Variants in ANKFN1 observed in about 807,000 individuals in gnomAD.
ANKFN1 encodes the protein ankyrin repeat and fibronectin type-III domain-containing protein 1.
ANKFN1 carries 74 observed loss-of-function variants against 108.7 expected under a neutral mutation model. The ratio of observed to expected loss-of-function variants is 0.68; its 90% CI spans 0.56 to 0.83. ANKFN1 has a LOEUF of 0.83. Among genes scored for constraint, ANKFN1 ranks in the 40% least tolerant of loss-of-function variants. The pLI, the probability that ANKFN1 is intolerant of heterozygous loss-of-function variation, is 0.00. For missense variants in ANKFN1, 1,505 were observed against 1,382.3 expected (o/e 1.09, Z -1.41); for synonymous variants, 547 against 516.2 (o/e 1.06, Z -0.81).
Position 56,516,306 on chromosome 17 carries a change from T to A in ANKFN1, c.*5037T>A, listed in dbSNP as rs974502975. On this transcript the variant is annotated 3_prime_UTR_variant, in exon 21 of 21. Transcript: ENST00000682825. ...TGCGTGTGTGGTGGTGTCAGAGAGA[T>A]GTTTCATAGAAAAAGTAATTTAAGT... Among the ~76,000 whole-genome samples, 1 of 151,950 alleles carries A rather than the reference T, an allele frequency of 6.6e-6. No homozygotes were observed. The highest frequency in any genetic ancestry group is 2.4e-5 in the African/African-American group (1 of 41,346).
chr17:56,431,122 A>T (rs1042357392), intron 8 of ANKFN1, among the ~76,000 whole-genome samples: 2 of 152,224 alleles, frequency 1.3e-5, no homozygotes, highest in Admixed American at 1.3e-4. Context: ...AAACTAGCAG[A>T]TGGAGAAGGC....
intron 12 of ANKFN1, 88 bp downstream of exon 12, chr17:56,457,048 T>G: frequency 7.6e-7 from 1 of 1,323,918 alleles, no homozygotes; most frequent in Non-Finnish European, 1.0e-6. Flanking sequence ...TAGAAATTTT[T>G]TTGTGTTCAA....
intron 1 of ANKFN1, among the ~76,000 whole-genome samples, chr17:56,202,246 G>A (rs528828589): frequency 1.3e-5 from 2 of 152,292 alleles, no homozygotes; most frequent in South Asian, 4.1e-4. Context: ...TCACATCCAA[G>A]AGTTACTGAA....
At chr17:56,346,781 C>A (rs1214007082) in intron 4 of ANKFN1, among the ~76,000 whole-genome samples, 1 of 151,068 alleles carries the variant, frequency 6.6e-6, no homozygotes, top group East Asian at 2.0e-4. Flanking sequence ...TTAGGTGTAC[C>A]ATTTGTAAAT....
intron 4 of ANKFN1, among the ~76,000 whole-genome samples, chr17:56,056,712 A>T (rs1484705947): frequency 1.3e-5 from 2 of 152,262 alleles, no homozygotes; most frequent in Non-Finnish European, 2.9e-5. Context: ...ACCTGAAACT[A>T]TAAAAATCCT....
chr17:56,055,973 T>C (rs181092143), intron 4 of ANKFN1, among the ~76,000 whole-genome samples: 2 of 152,182 alleles, frequency 1.3e-5, no homozygotes, highest in East Asian at 1.9e-4. Flanking sequence ...CTGACAATTA[T>C]TGATGTTGAG....
intron 3 of ANKFN1, among the ~76,000 whole-genome samples, chr17:56,283,355 C>G (rs768728008): frequency 6.6e-6 from 1 of 152,016 alleles, no homozygotes; most frequent in Non-Finnish European, 1.5e-5. Context: ...AGTAGAACTA[C>G]CATTTGATCC....
At chr17:56,219,253 AT>A (rs35800121) in intron 2 of ANKFN1, among the ~76,000 whole-genome samples, 58,544 of 148,768 alleles carry the variant, frequency 0.39, 13,917 homozygotes, top group African/African-American at 0.67. Flanking sequence ...TTGTTTGTTT[AT>A]TTTTTTTTTT....
intron 8 of ANKFN1, among the ~76,000 whole-genome samples, chr17:56,405,068 G>C (rs963589544): frequency 1.4e-4 from 21 of 152,194 alleles, no homozygotes; most frequent in African/African-American, 5.1e-4. Context: ...AGGTGGTGGT[G>C]GGGGGTAGTG....
intron 8 of ANKFN1, among the ~76,000 whole-genome samples, chr17:56,391,034 A>C (rs1003881635): frequency 4.0e-5 from 6 of 151,348 alleles, no homozygotes; most frequent in Non-Finnish European, 7.4e-5. Flanking sequence ...TATATATAAT[A>C]AAATATTTCC....
At chr17:56,074,890 A>T (rs1349079266) in intron 4 of ANKFN1, among the ~76,000 whole-genome samples, 1 of 152,224 alleles carries the variant, frequency 6.6e-6, no homozygotes, top group Non-Finnish European at 1.5e-5. Flanking sequence ...AGAGCCAGCC[A>T]CAAAGGCTGT....
intron 4 of ANKFN1, among the ~76,000 whole-genome samples, chr17:56,075,683 C>T (rs1284263924): frequency 6.6e-6 from 1 of 152,088 alleles, no homozygotes; most frequent in African/African-American, 2.4e-5. Flanking sequence ...CTATTAGTCA[C>T]AAGGCAGGCT....
intron 8 of ANKFN1, among the ~76,000 whole-genome samples, chr17:56,419,606 C>T (rs952372135): frequency 3.3e-5 from 5 of 151,876 alleles, no homozygotes; most frequent in African/African-American, 4.8e-5. Context: ...CCACCTGAGG[C>T]AACCTAGCAA....
At chr17:56,359,605 T>C (rs1319219467) in intron 6 of ANKFN1, among the ~76,000 whole-genome samples, 1 of 152,170 alleles carries the variant, frequency 6.6e-6, no homozygotes, top group African/African-American at 2.4e-5. Context: ...AGTTACTTCA[T>C]AAAATGCAAT....
intron 3 of ANKFN1, among the ~76,000 whole-genome samples, chr17:56,271,112 C>T (rs1244247685): frequency 1.3e-5 from 2 of 152,064 alleles, no homozygotes; most frequent in African/African-American, 2.4e-5. Context: ...TGGGCTCAAG[C>T]GATCCTCCCA....
intron 8 of ANKFN1, among the ~76,000 whole-genome samples, chr17:56,415,400 G>A (rs1165214126): frequency 1.3e-5 from 2 of 152,184 alleles, no homozygotes; most frequent in Non-Finnish European, 2.9e-5. Flanking sequence ...ACAAAAATCA[G>A]TAGCATTTCT....
chr17:56,168,025 G>A (rs1910322686), intron 1 of ANKFN1, among the ~76,000 whole-genome samples: 2 of 152,158 alleles, frequency 1.3e-5, no homozygotes, highest in Non-Finnish European at 2.9e-5. Context: ...CCAGCACTTT[G>A]GGAGGCAAAG....
chr17:56,363,264 AG>A (rs1384285756), intron 6 of ANKFN1, among the ~76,000 whole-genome samples: 7 of 152,174 alleles, frequency 4.6e-5, no homozygotes, highest in Non-Finnish European at 8.8e-5. Flanking sequence ...GAACCTGAAT[AG>A]GGTTTCTTAA....
intron 20 of ANKFN1, among the ~76,000 whole-genome samples, chr17:56,502,687 G>A (rs899710544): frequency 6.6e-6 from 1 of 152,214 alleles, no homozygotes; most frequent in African/African-American, 2.4e-5. Flanking sequence ...AGGGGGAAAT[G>A]CAATTTAGAA....
Sources: gnomAD v4.1 joint callset for allele counts (sites outside exome capture counted in the v4.1 genomes callset) on GRCh38, gnomAD v4.1.1 for gene constraint, MANE v1.5 for transcripts, NCBI Gene and HGNC (gene_info 2026-07-23, HGNC 2026-07-21) for gene names.